The following RBM6 variants were observed in gnomAD, a reference collection of about 807,000 sequenced individuals.
RBM6 encodes RNA-binding protein 6.
RBM6 carries 23 observed loss-of-function variants against 140.4 expected under a neutral mutation model. The observed-to-expected ratio is 0.16, with a 90% CI of 0.12 to 0.23. The LOEUF (loss-of-function observed/expected upper bound fraction) is 0.23. Among genes scored for constraint, RBM6 ranks in the 10% least tolerant of loss-of-function variants. RBM6 has a pLI of 1.00. For missense variants in RBM6, 1,139 were observed against 1,386.7 expected, an observed-to-expected ratio of 0.82 and a Z score of 2.84; for synonymous variants, 439 against 475.6, an observed-to-expected ratio of 0.92 and a Z score of 1.00.
At chr3:50,038,620 C>T (rs558401764) in intron 6 of RBM6, among the ~76,000 whole-genome samples, 4 of 152,072 alleles carry the variant, frequency 2.6e-5, no homozygotes, top group South Asian at 2.1e-4. Context: ...TCATGAGGTC[C>T]GGAGATCGAG....
At chr3:50,046,318 G>A (rs1243084089) in intron 6 of RBM6, among the ~76,000 whole-genome samples, 1 of 150,822 alleles carries the variant, frequency 6.6e-6, no homozygotes, top group Non-Finnish European at 1.5e-5. Context: ...AGTGGCTTAC[G>A]CCTGTAATCC....
intron 8 of RBM6, among the ~76,000 whole-genome samples, chr3:50,056,249 CTT>C (rs1559638393): frequency 6.6e-6 from 1 of 151,588 alleles, no homozygotes. Context: ...ACAAGAAACA[CTT>C]TTTTTCAAAG....
At position 50,025,625 on chromosome 3, in the gene RBM6, A is replaced by G. The variant is rs187384821; in HGVS notation, c.1558-22620A>G. 4.7e-3 allele frequency among the ~76,000 whole-genome samples: 453 copies of G among 96,664 alleles called. 6 individuals carry two copies. Among genetic ancestry groups the G allele is most frequent in the African/African-American group, 0.016 (444 of 28,518 alleles). The allele number at this position is 96,664 out of a possible 152,430, so 63.4% of individuals were successfully genotyped here. On this transcript the variant is annotated intron_variant, in intron 6 of 20. Transcript: ENST00000266022. ...TTTTTTTAAGAGACAGGGTGTCACT[A>G]TGTTGCCCAGGCTGGTTGGGAACTC... is the stretch of plus-strand genomic sequence containing the variant.
chr3:49,992,459 T>C (rs2085873128), intron 5 of RBM6, among the ~76,000 whole-genome samples: 1 of 152,222 alleles, frequency 6.6e-6, no homozygotes, highest in Admixed American at 6.5e-5. Context: ...TGGGACATAT[T>C]TGAGAAGCAG....
chr3:49,941,861 C>T (rs1198874236), intron 1 of RBM6, among the ~76,000 whole-genome samples: 1 of 150,984 alleles, frequency 6.6e-6, no homozygotes, highest in African/African-American at 2.4e-5. Flanking sequence ...AGCCACCGTG[C>T]CCGGCCCTGT....
chr3:50,009,666 C>T (rs2086751598), intron 6 of RBM6, among the ~76,000 whole-genome samples: 1 of 151,970 alleles, frequency 6.6e-6, no homozygotes, highest in African/African-American at 2.4e-5. Context: ...AAGCCATCCT[C>T]CCTACCTCAG....
intron 6 of RBM6, among the ~76,000 whole-genome samples, chr3:50,033,527 TG>T (rs1245886166): frequency 6.6e-6 from 1 of 152,190 alleles, no homozygotes; most frequent in Non-Finnish European, 1.5e-5. Context: ...GCATATGCTG[TG>T]GAACATCCAG....
chr3:50,007,189 G>GTT (rs752697456), intron 6 of RBM6, among the ~76,000 whole-genome samples: 15 of 131,726 alleles, frequency 1.1e-4, no homozygotes, highest in Non-Finnish European at 1.5e-4. Context: ...CCTAGTTGGA[G>GTT]TTTTTTTTTT....
At chr3:50,058,737 A>T (rs1187909543) in intron 10 of RBM6, 175 bp downstream of exon 10, 1 of 517,934 alleles carries the variant, frequency 1.9e-6, no homozygotes, top group Non-Finnish European at 3.3e-6. Flanking sequence ...ACACGGTGAA[A>T]CCCTGTCTCT....
intron 15 of RBM6, among the ~76,000 whole-genome samples, chr3:50,062,516 A>G (rs184362127): frequency 6.6e-6 from 1 of 151,908 alleles, no homozygotes; most frequent in African/African-American, 2.4e-5. Flanking sequence ...AAAAAAAAAA[A>G]AACCTCTGTT....
At position 50,028,310 on chromosome 3, in the gene RBM6, G is replaced by A. The variant is rs78369829; in HGVS notation, c.1558-19935G>A. On this transcript the variant is annotated intron_variant, in intron 6 of 20. Transcript: ENST00000266022. ...TAGTTCCTGAGTTAAGAAGTATAGG[G>A]TAGTGGTCATCTTTTTTCTTTGACT... Among the ~76,000 whole-genome samples the A allele has an allele frequency of 6.1e-3, 925 of 152,220 alleles. 9 individuals carry two copies. Among genetic ancestry groups the A allele is most frequent in the African/African-American group, 0.021 (873 of 41,532 alleles).
At chr3:50,048,969 A>G (rs955065021) in intron 7 of RBM6, among the ~76,000 whole-genome samples, 1 of 151,014 alleles carries the variant, frequency 6.6e-6, no homozygotes, top group East Asian at 1.9e-4. Context: ...CACCTGCCTG[A>G]TTTTTGTATT....
intron 6 of RBM6, chr3:50,047,232 T>G: frequency 4.1e-6 from 4 of 985,046 alleles, no homozygotes; most frequent in Non-Finnish European, 4.8e-6. Context: ...AGAAATGGCT[T>G]GTATAACTCA....
chr3:49,984,748 G>A (rs778179072), intron 5 of RBM6, among the ~76,000 whole-genome samples: 17 of 152,094 alleles, frequency 1.1e-4, no homozygotes, highest in Admixed American at 3.3e-4. Context: ...ACAAGGACAC[G>A]GCCCTGAGCA....
At chr3:50,000,034 C>T (rs1037748834) in intron 6 of RBM6, among the ~76,000 whole-genome samples, 2 of 152,116 alleles carry the variant, frequency 1.3e-5, no homozygotes, top group Admixed American at 6.5e-5. Context: ...CTATTGCATT[C>T]ATCATTGTTT....
At chr3:49,972,340 C>G (rs2084836867) in intron 4 of RBM6, among the ~76,000 whole-genome samples, 192 bp downstream of exon 4, 2 of 151,942 alleles carry the variant, frequency 1.3e-5, no homozygotes, top group African/African-American at 4.8e-5. Context: ...GGAAATTGAC[C>G]CTGGTATAAT....
chr3:50,041,919 T>G (rs995759609), intron 6 of RBM6, among the ~76,000 whole-genome samples: 1 of 152,180 alleles, frequency 6.6e-6, no homozygotes, highest in Non-Finnish European at 1.5e-5. Flanking sequence ...GGACTGACTC[T>G]CTGGAATTTA....
At chr3:50,032,940 G>A (rs555157336) in intron 6 of RBM6, among the ~76,000 whole-genome samples, 2 of 151,972 alleles carry the variant, frequency 1.3e-5, no homozygotes, top group Admixed American at 6.6e-5. Flanking sequence ...AGCCGAGATC[G>A]TGCCATTGCA....
chr3:50,019,895 G>A (rs1012987969), intron 6 of RBM6, among the ~76,000 whole-genome samples: 5 of 151,352 alleles, frequency 3.3e-5, no homozygotes, highest in Admixed American at 6.6e-5. Flanking sequence ...TCAGCATGTC[G>A]ATGTGATGGA....
Sources: gnomAD v4.1 joint callset for allele counts (sites outside exome capture counted in the v4.1 genomes callset) on GRCh38, gnomAD v4.1.1 for gene constraint, MANE v1.5 for transcripts, NCBI Gene and HGNC (gene_info 2026-07-23, HGNC 2026-07-21) for gene names.